The following ITGA11 variants were observed in gnomAD, a reference collection of about 807,000 sequenced individuals.
The protein encoded by ITGA11 is integrin alpha-11.
In ITGA11, 97 loss-of-function variants were observed where a neutral mutation model predicts 141.9. That is an observed-to-expected ratio of 0.68 (90% CI 0.58 to 0.81). The LOEUF (loss-of-function observed/expected upper bound fraction) is 0.81. ITGA11 is among the 30% of genes least tolerant of loss of function. ITGA11 has a pLI of 0.00. For synonymous variants in ITGA11, 658 were observed against 624.6 expected (o/e 1.05, Z -0.80); for missense variants, 1,387 against 1,559.2 (o/e 0.89, Z 1.86).
chr15:68,370,096 C>A (rs74953508), intron 2 of ITGA11, among the ~76,000 whole-genome samples: 1 of 152,150 alleles, frequency 6.6e-6, no homozygotes, highest in East Asian at 1.9e-4. Context: ...GATTCTCCCC[C>A]AGAGCCTGCG....
chr15:68,297,767 A>T lies in ITGA11; in HGVS notation c.*5292T>A, dbSNP rs1892941062. The T allele has an allele frequency of 1.3e-5, 2 of 152,168 alleles. No homozygotes were observed. The highest frequency in any genetic ancestry group is 4.2e-4 in the South Asian group (2 of 4,818). 9.4% of individuals were successfully genotyped at this position (152,168 alleles called of 1,614,324 possible). ...GAGTATTAAAGGGTGGTATTGGAGC[A>T]CACCCTCAGGACATGTTTGTTTTCA... On this transcript the variant is annotated 3_prime_UTR_variant, in exon 30 of 30. Coordinates refer to ENST00000315757, the MANE Select transcript of ITGA11 (RefSeq NM_001004439.2).
At chr15:68,334,355 A>G (rs1014881461) in intron 12 of ITGA11, among the ~76,000 whole-genome samples, 4 of 152,202 alleles carry the variant, frequency 2.6e-5, no homozygotes, top group Non-Finnish European at 5.9e-5. Flanking sequence ...AAGGGAAGGA[A>G]CCAAAACTCA....
intron 4 of ITGA11, among the ~76,000 whole-genome samples, chr15:68,364,228 G>A (rs1214570230): frequency 2.0e-5 from 3 of 152,118 alleles, no homozygotes. Context: ...CCCTTCCCTC[G>A]GCTGTGGTAG....
intron 9 of ITGA11, among the ~76,000 whole-genome samples, chr15:68,350,366 T>G (rs1172325488): frequency 6.9e-6 from 1 of 144,604 alleles, no homozygotes; most frequent in Non-Finnish European, 1.5e-5. Context: ...TGTAATTTTT[T>G]TTTTAAAGAG....
chr15:68,334,370 A>T (rs1894276642), intron 12 of ITGA11, among the ~76,000 whole-genome samples: 1 of 152,168 alleles, frequency 6.6e-6, no homozygotes, highest in African/African-American at 2.4e-5. Flanking sequence ...AACTCAGAGA[A>T]TTGCTTGCCC....
rs57304345 is a variant in ITGA11, at chr15:68,325,928, C to T, written c.2212-687G>A. On this transcript the variant is annotated intron_variant, in intron 17 of 29. Transcript: ENST00000315757. The surrounding 1 kb of genome is among the most constrained non-coding windows in gnomAD (Gnocchi z 5.5). Reference sequence around the variant, plus strand: ...CTTGTTAAAACACAGGGTGCTGGCGCCAGCCCCAGCCCCAGCCCCAGAGTT... The same window carrying T: ...CTTGTTAAAACACAGGGTGCTGGCGTCAGCCCCAGCCCCAGCCCCAGAGTT... 0.075 allele frequency among the ~76,000 whole-genome samples: 11,397 copies of T among 152,164 alleles called. 900 individuals are homozygous for T. The highest frequency in any genetic ancestry group is 0.2 in the African/African-American group (8,285 of 41,498).
chr15:68,369,084 G>T, intron 3 of ITGA11, 100 bp downstream of exon 3: 1 of 814,658 alleles, frequency 1.2e-6, no homozygotes, highest in South Asian at 1.5e-5. Flanking sequence ...GGAGTAGCAG[G>T]AAGGAGTCAG....
rs912670482 is a variant in ITGA11, at chr15:68,348,839, G to A, written c.1122C>T (p.His374=). The A allele has an allele frequency of 9.9e-6, 16 of 1,608,206 alleles. No individual in the cohort carries two copies. Among genetic ancestry groups the A allele is most frequent in the Admixed American group, 6.7e-5 (4 of 59,424 alleles). ...TACCTCCACCACATACCTCCACCAC[G>A]TGCGAGGAAAAGCCCGTCTGTGACA... The part of the protein sequence containing the change: ...LEMSQTGFSS[H]VVEDGVLLGA... The change falls in exon 10 of 30, where the codon CAC becomes CAT. Residue 374 remains histidine, a synonymous_variant. Transcript: ENST00000315757.
chr15:68,399,873 G>T (rs890369469), intron 2 of ITGA11, among the ~76,000 whole-genome samples: 2 of 151,976 alleles, frequency 1.3e-5, no homozygotes, highest in African/African-American at 4.8e-5. Flanking sequence ...TGGGTGACGG[G>T]ATCACTTGTA....
intron 1 of ITGA11, among the ~76,000 whole-genome samples, chr15:68,405,012 A>T (rs529578500): frequency 6.6e-6 from 1 of 152,246 alleles, no homozygotes; most frequent in Non-Finnish European, 1.5e-5. Flanking sequence ...AGGGCCTCTG[A>T]ATTTGAGGCT....
chr15:68,357,907 C>A (rs1468048526), intron 6 of ITGA11, among the ~76,000 whole-genome samples: 2 of 152,186 alleles, frequency 1.3e-5, no homozygotes, highest in African/African-American at 4.8e-5. Flanking sequence ...CTCATTACTT[C>A]ATGAGAAAGT....
Position 68,350,788 on chromosome 15 carries a change from A to G in ITGA11, c.895-6T>C, listed in dbSNP as rs1251058192. On this transcript the variant is annotated splice_polypyrimidine_tract_variant and splice_region_variant and intron_variant, in intron 8 of 29. Coordinates refer to ENST00000315757, the MANE Select transcript of ITGA11 (RefSeq NM_001004439.2). ...CGGTTGTAGTAGCCCAGGACCTGCCAGGGAACAGGGGCAGGAACCACAAAC... is the reference window on the plus strand; with the variant it reads ...CGGTTGTAGTAGCCCAGGACCTGCCGGGGAACAGGGGCAGGAACCACAAAC... The G allele has an allele frequency of 1.2e-6, 2 of 1,610,014 alleles. No individual in the cohort carries two copies. The highest frequency in any genetic ancestry group is 1.7e-6 in the Non-Finnish European group (2 of 1,177,808).
chr15:68,427,895 C>T (rs1897181086), intron 1 of ITGA11, among the ~76,000 whole-genome samples: 1 of 152,064 alleles, frequency 6.6e-6, no homozygotes, highest in Non-Finnish European at 1.5e-5. Context: ...TGGTGGTAGC[C>T]TACATACAGT....
rs192113978 is a variant in ITGA11 at position 68,416,447 on chromosome 15, T to C, written c.53-13418A>G. Reference sequence around the variant, plus strand: ...GAGCCTCGGCAGTCCTTTGTATCTTTTTCTGAGAACTCAGGAGTTTGCCAA... The same window carrying C: ...GAGCCTCGGCAGTCCTTTGTATCTTCTTCTGAGAACTCAGGAGTTTGCCAA... On this transcript the variant is annotated intron_variant, in intron 1 of 29. Coordinates refer to ENST00000315757, the MANE Select transcript of ITGA11 (RefSeq NM_001004439.2). Among the ~76,000 whole-genome samples, 15 of 152,318 alleles carry C rather than the reference T, an allele frequency of 9.8e-5. No individual in the cohort carries two copies. In the East Asian group the frequency reaches 2.9e-3, roughly 29 times the overall value.
At chr15:68,420,804 T>C (rs1031122146) in intron 1 of ITGA11, among the ~76,000 whole-genome samples, 1 of 152,150 alleles carries the variant, frequency 6.6e-6, no homozygotes, top group African/African-American at 2.4e-5. Context: ...AGGATTACAT[T>C]CCATCGGAGC....
intron 4 of ITGA11, among the ~76,000 whole-genome samples, chr15:68,364,304 T>C (rs936667386): frequency 2.0e-5 from 3 of 152,180 alleles, no homozygotes; most frequent in African/African-American, 7.2e-5. Context: ...AGCCTGCTTC[T>C]TTTTTCAAGC....
At chr15:68,318,412 C>T (rs548461216) in intron 20 of ITGA11, among the ~76,000 whole-genome samples, 171 of 152,248 alleles carry the variant, frequency 1.1e-3, no homozygotes, top group African/African-American at 3.7e-3. Flanking sequence ...TGATTCCCTC[C>T]GTATACCTGA....
intron 3 of ITGA11, among the ~76,000 whole-genome samples, chr15:68,368,860 C>CTT (rs34788905): frequency 0.91 from 122,538 of 134,746 alleles, 56,157 homozygotes; most frequent in Middle Eastern, 0.96. Context: ...ACAGGAAGTC[C>CTT]TTTTTTTTTT....
At position 68,339,660 on chromosome 15, in the gene ITGA11, G is replaced by A; in HGVS notation, c.1132-16C>T. ...GAACCCCATCCTGGCATTGGGGAGG[G>A]GACACACATCAGCACCTGTCCTCAT... On this transcript the variant is annotated splice_polypyrimidine_tract_variant and intron_variant, in intron 10 of 29. Coordinates refer to ENST00000315757, the MANE Select transcript of ITGA11 (RefSeq NM_001004439.2). 1 of 1,613,852 alleles carries A rather than the reference G, an allele frequency of 6.2e-7. No homozygotes were observed. The highest frequency in any genetic ancestry group is 2.2e-5 in the East Asian group (1 of 44,874).
Sources: allele counts gnomAD v4.1 joint callset (sites outside exome capture counted in the v4.1 genomes callset), GRCh38; gene constraint gnomAD v4.1.1; non-coding constraint Gnocchi (gnomAD v3.1); transcripts MANE v1.5; gene names NCBI Gene and HGNC (gene_info 2026-07-23, HGNC 2026-07-21).